VTA1: variants seen among roughly 807,000 people sequenced by gnomAD.
VTA1 encodes the protein vacuolar protein sorting-associated protein VTA1 homolog.
VTA1 carries 24 observed loss-of-function variants against 36.9 expected under a neutral mutation model. The ratio of observed to expected loss-of-function variants is 0.65; its 90% CI spans 0.47 to 0.91. The LOEUF (loss-of-function observed/expected upper bound fraction) is 0.91, where lower values mean the gene tolerates loss of function less well. Ranked by LOEUF, VTA1 falls within the 40% of genes least tolerant of loss-of-function variation. The pLI is 0.00. For synonymous variants in VTA1, 142 were observed against 130.2 expected, an observed-to-expected ratio of 1.09 and a Z score of -0.62; for missense variants, 393 against 377.2, an observed-to-expected ratio of 1.04 and a Z score of -0.35.
At chr6:142,179,075 T>C (rs1775176943) in intron 4 of VTA1, among the ~76,000 whole-genome samples, 1 of 151,864 alleles carries the variant, frequency 6.6e-6, no homozygotes, top group South Asian at 2.1e-4. Flanking sequence ...AATAAAACTT[T>C]CAAACTATAT....
At chr6:142,213,529 G>A (rs1177400679) in intron 7 of VTA1, among the ~76,000 whole-genome samples, 1 of 152,220 alleles carries the variant, frequency 6.6e-6, no homozygotes, top group Non-Finnish European at 1.5e-5. Flanking sequence ...TGCTGCATGG[G>A]GGCTCCAACC....
intron 4 of VTA1, among the ~76,000 whole-genome samples, chr6:142,177,533 G>GA (rs1231011738): frequency 6.6e-6 from 1 of 152,162 alleles, no homozygotes; most frequent in African/African-American, 2.4e-5. Context: ...AAGGAGTATA[G>GA]CTTGAGAAGG....
At chr6:142,169,704 T>C (rs781730304) in intron 3 of VTA1, 27 bp downstream of exon 3, 3 of 1,499,644 alleles carry the variant, frequency 2.0e-6, no homozygotes, top group Non-Finnish European at 2.6e-6. Flanking sequence ...ATAAAAATTA[T>C]TTTATTAATT....
At chr6:142,160,619 T>G (rs1774783757) in intron 1 of VTA1, among the ~76,000 whole-genome samples, 1 of 152,108 alleles carries the variant, frequency 6.6e-6, no homozygotes, top group African/African-American at 2.4e-5. Context: ...GGCGTGTGCC[T>G]CCGGGCAGAA....
intron 2 of VTA1, among the ~76,000 whole-genome samples, chr6:142,167,087 T>TG: frequency 6.6e-6 from 1 of 152,244 alleles, no homozygotes; most frequent in South Asian, 2.1e-4. Flanking sequence ...CTCTCTGGGG[T>TG]CCCAGGGCAA....
At chr6:142,164,040 T>C (rs533178313) in intron 1 of VTA1, among the ~76,000 whole-genome samples, 1 of 152,274 alleles carries the variant, frequency 6.6e-6, no homozygotes, top group East Asian at 1.9e-4. Context: ...AGCTTCAGTA[T>C]AGCATAGGGT....
intron 1 of VTA1, 42 bp downstream of exon 1, chr6:142,147,441 C>A: frequency 6.4e-7 from 1 of 1,573,254 alleles, no homozygotes; most frequent in Admixed American, 1.8e-5. Context: ...TTCCCAGTTG[C>A]ATTTTAGGGC....
chr6:142,164,875 G>A (rs1206967089), intron 1 of VTA1, among the ~76,000 whole-genome samples: 1 of 152,212 alleles, frequency 6.6e-6, no homozygotes, highest in African/African-American at 2.4e-5. Flanking sequence ...CACTGTCCTA[G>A]ATGCCAGGGA....
chr6:142,200,019 A>G (rs527822876), intron 6 of VTA1, among the ~76,000 whole-genome samples: 1 of 152,278 alleles, frequency 6.6e-6, no homozygotes, highest in South Asian at 2.1e-4. Context: ...ATCCTGATCA[A>G]GAGTCCCAGA....
chr6:142,204,488 G>A (rs1052623892), intron 7 of VTA1, among the ~76,000 whole-genome samples: 1 of 152,030 alleles, frequency 6.6e-6, no homozygotes, highest in Non-Finnish European at 1.5e-5. Flanking sequence ...AATCTCTGAG[G>A]TTACTTTGGT....
chr6:142,181,102 T>A (rs1389971285), intron 4 of VTA1, among the ~76,000 whole-genome samples: 5 of 104,952 alleles, frequency 4.8e-5, no homozygotes, highest in East Asian at 2.8e-4. Flanking sequence ...AAAATATATA[T>A]ATATATATAT....
chr6:142,156,853 T>C (rs1355909557), intron 1 of VTA1, among the ~76,000 whole-genome samples: 2 of 152,216 alleles, frequency 1.3e-5, no homozygotes. Flanking sequence ...TGGATTTCTT[T>C]ATTGATAGAT....
intron 6 of VTA1, among the ~76,000 whole-genome samples, chr6:142,199,856 G>A (rs2114675028): frequency 6.6e-6 from 1 of 152,064 alleles, no homozygotes; most frequent in Middle Eastern, 3.4e-3. Flanking sequence ...ATTTGCATTT[G>A]TTTTGGAAGT....
intron 2 of VTA1, among the ~76,000 whole-genome samples, 186 bp downstream of exon 2, chr6:142,166,508 G>A (rs1405815424): frequency 6.6e-6 from 1 of 151,920 alleles, no homozygotes; most frequent in Non-Finnish European, 1.5e-5. Flanking sequence ...GAGGTTATGA[G>A]TGTTAATTAA....
At chr6:142,213,300 G>T (rs1320018183) in intron 7 of VTA1, among the ~76,000 whole-genome samples, 1 of 152,208 alleles carries the variant, frequency 6.6e-6, no homozygotes, top group South Asian at 2.1e-4. Flanking sequence ...CTCACTTCCA[G>T]GTCATGCCAA....
intron 5 of VTA1, among the ~76,000 whole-genome samples, chr6:142,194,890 C>T (rs1208831939): frequency 6.6e-6 from 1 of 152,004 alleles, no homozygotes; most frequent in African/African-American, 2.4e-5. Flanking sequence ...GCTTTTTATG[C>T]ACTTATTAAA....
intron 6 of VTA1, 42 bp from the exon 7 acceptor site, chr6:142,203,943 G>A (rs766540979): frequency 2.1e-5 from 32 of 1,520,696 alleles, no homozygotes; most frequent in Non-Finnish European, 2.8e-5. Flanking sequence ...TAATTAAAAG[G>A]TGTAATACTT....
chr6:142,169,573 T>G lies in VTA1; in HGVS notation c.231T>G (p.Asn77Lys), dbSNP rs1774988802. 1 of 1,607,418 alleles carries G rather than the reference T, an allele frequency of 6.2e-7. No individual in the cohort carries two copies. Among genetic ancestry groups the G allele is most frequent in the African/African-American group, 1.3e-5 (1 of 74,790 alleles). The change falls in exon 3 of 8, where the codon AAT becomes AAG. Residue 77 changes from asparagine (N) to lysine (K), a missense_variant. Physicochemically the swap from Asn to Lys is moderately conservative, Grantham distance 94. Transcript: ENST00000367630. ...LEALKKQLGD[N>K]EAITQEIVGC... ...AGCTAAAGAAGCAGTTGGGTGATAA[T>G]GAAGCTATTACTCAAGAAATAGTGG... is the stretch of plus-strand genomic sequence containing the variant.
At chr6:142,161,349 A>G (rs1332059877) in intron 1 of VTA1, among the ~76,000 whole-genome samples, 2 of 152,052 alleles carry the variant, frequency 1.3e-5, no homozygotes, top group African/African-American at 4.8e-5. Context: ...CTCACTCCTC[A>G]CAGTTGCTTT....
Sources: allele counts gnomAD v4.1 joint callset (sites outside exome capture counted in the v4.1 genomes callset), GRCh38; gene constraint gnomAD v4.1.1; transcripts MANE v1.5; gene names NCBI Gene and HGNC (gene_info 2026-07-23, HGNC 2026-07-21).